Variants in TBX5 observed in about 807,000 individuals in gnomAD.
The protein encoded by TBX5 is T-box transcription factor TBX5.
In TBX5, 8 loss-of-function variants were observed where a neutral mutation model predicts 51.1. That is an observed-to-expected ratio of 0.16 (90% CI 0.09 to 0.28). TBX5 has a LOEUF of 0.28. Among genes scored for constraint, TBX5 ranks in the 10% least tolerant of loss-of-function variants. The pLI is 1.00. For synonymous variants in TBX5, 302 were observed against 266.4 expected (o/e 1.13, Z -1.30); for missense variants, 589 against 671.7 (o/e 0.88, Z 1.36).
intron 7 of TBX5, among the ~76,000 whole-genome samples, chr12:114,369,053 CATT>C (rs902048081): frequency 6.6e-6 from 1 of 151,662 alleles, no homozygotes; most frequent in South Asian, 2.1e-4. Context: ...AACAATAAAA[CATT>C]ATAAAAGTTG....
Position 114,405,730 on chromosome 12 carries a change from C to T in TBX5, c.-141G>A. The T allele has an allele frequency of 1.0e-6, 1 of 985,552 alleles. No individual in the cohort carries two copies. The highest frequency in any genetic ancestry group is 1.7e-5 in the African/African-American group (1 of 57,366). The allele number at this position is 985,552 out of a possible 1,614,324, so 61.1% of individuals were successfully genotyped here. ...AGGCATGGTGGCTCCGGGGTTTATG[C>T]GGGGTTTACTGCTTACCCAGAATAG... On this transcript the variant is annotated 5_prime_UTR_variant, in exon 1 of 9. Transcript: ENST00000405440.
chr12:114,381,565 T>C (rs1870505721), intron 7 of TBX5, among the ~76,000 whole-genome samples: 1 of 152,198 alleles, frequency 6.6e-6, no homozygotes, highest in Admixed American at 6.5e-5. Flanking sequence ...AATCAAGCAC[T>C]CTATAGGCAT....
At chr12:114,408,013 GT>G (rs1872335487), upstream of TBX5, 3 of 985,306 alleles carry the variant, frequency 3.0e-6, no homozygotes, top group Non-Finnish European at 3.6e-6. Flanking sequence ...AAATATTACT[GT>G]TTATTACCAG....
rs775667911 is a variant in TBX5 at position 114,355,964 on chromosome 12, C to A, written c.1125G>T (p.Arg375=). The A allele has an allele frequency of 6.8e-6, 11 of 1,613,984 alleles. No individual in the cohort carries two copies. Among genetic ancestry groups the A allele is most frequent in the Non-Finnish European group, 9.3e-6 (11 of 1,180,038 alleles). The part of the protein sequence containing the change: ...GASYRTESAQ[R]QACMYASSAP... ...CAGAGCTGGCATACATGCAAGCTTG[C>A]CGCTGTGCCGACTCTGTCCTGTAGG... Residue 375 remains arginine (R), a synonymous_variant, in exon 9 of 9, where the codon CGG becomes CGT. Coordinates refer to ENST00000405440, the MANE Select transcript of TBX5 (RefSeq NM_181486.4).
At chr12:114,391,430 G>T (rs1871136671) in intron 6 of TBX5, among the ~76,000 whole-genome samples, 1 of 152,176 alleles carries the variant, frequency 6.6e-6, no homozygotes, top group East Asian at 1.9e-4. Context: ...TTAATAAACT[G>T]ATCTGCTAAG....
chr12:114,378,206 T>G (rs764846085), intron 7 of TBX5, among the ~76,000 whole-genome samples: 5 of 152,206 alleles, frequency 3.3e-5, no homozygotes, highest in Non-Finnish European at 5.9e-5. Flanking sequence ...CTTCTTATGG[T>G]GAAAAGACCA....
At chr12:114,382,052 T>C (rs16944153) in intron 7 of TBX5, among the ~76,000 whole-genome samples, 3,584 of 152,294 alleles carry the variant, frequency 0.024, 288 homozygotes, top group Admixed American at 0.14. Context: ...CCTTGACAGA[T>C]GGTTAGGACA....
chr12:114,366,943 T>C (rs1869572112), intron 7 of TBX5, among the ~76,000 whole-genome samples: 1 of 152,212 alleles, frequency 6.6e-6, no homozygotes, highest in African/African-American at 2.4e-5. Context: ...GCTTCTGTCC[T>C]TGTGGCCACT....
At chr12:114,379,044 C>G (rs150130123) in intron 7 of TBX5, among the ~76,000 whole-genome samples, 1 of 152,172 alleles carries the variant, frequency 6.6e-6, no homozygotes, top group East Asian at 1.9e-4. Context: ...CAGTGGACAA[C>G]AGCTGAGGTC....
intron 7 of TBX5, among the ~76,000 whole-genome samples, chr12:114,372,100 G>C (rs183068012): frequency 6.6e-6 from 1 of 152,102 alleles, no homozygotes; most frequent in African/African-American, 2.4e-5. Context: ...AGGCTCCGAC[G>C]GGTGGGAGGT....
At chr12:114,359,279 C>T (rs980795457) in intron 8 of TBX5, among the ~76,000 whole-genome samples, 2 of 152,122 alleles carry the variant, frequency 1.3e-5, no homozygotes, top group African/African-American at 4.8e-5. Flanking sequence ...AAAGAAATTC[C>T]AACTCAAGGA....
At chr12:114,374,749 T>C (rs1870100607) in intron 7 of TBX5, among the ~76,000 whole-genome samples, 1 of 152,216 alleles carries the variant, frequency 6.6e-6, no homozygotes, top group Non-Finnish European at 1.5e-5. Flanking sequence ...TCACCCTATA[T>C]AAATTCAACC....
intron 4 of TBX5, among the ~76,000 whole-genome samples, 155 bp downstream of exon 4, chr12:114,399,358 G>C (rs1044917377): frequency 1.3e-5 from 2 of 151,852 alleles, no homozygotes; most frequent in African/African-American, 2.4e-5. Flanking sequence ...GTCTGAGAAT[G>C]GTTAGTAAAA....
intron 7 of TBX5, among the ~76,000 whole-genome samples, chr12:114,367,865 T>C (rs1287653858): frequency 6.6e-6 from 1 of 152,202 alleles, no homozygotes; most frequent in Non-Finnish European, 1.5e-5. Context: ...ATTTCAAATA[T>C]AATTGGCTTC....
chr12:114,362,005 G>A (rs927465659), intron 8 of TBX5, among the ~76,000 whole-genome samples: 1 of 152,012 alleles, frequency 6.6e-6, no homozygotes, highest in Non-Finnish European at 1.5e-5. Flanking sequence ...GGCCACTCAC[G>A]AGCTGAGTGA....
chr12:114,387,467 T>A (rs907323626), intron 6 of TBX5, among the ~76,000 whole-genome samples: 3 of 152,160 alleles, frequency 2.0e-5, no homozygotes, highest in African/African-American at 7.2e-5. Context: ...AAAGCAAAAC[T>A]ACGGAGTCAG....
At chr12:114,404,776 G>T (rs1329252249) in intron 1 of TBX5, among the ~76,000 whole-genome samples, 1 of 152,108 alleles carries the variant, frequency 6.6e-6, no homozygotes, top group Admixed American at 6.5e-5. Flanking sequence ...AGGCCGAAAG[G>T]GGTTTCTCTG....
At chr12:114,401,414 T>C (rs779359239) in intron 3 of TBX5, among the ~76,000 whole-genome samples, 17 of 152,090 alleles carry the variant, frequency 1.1e-4, no homozygotes, top group Non-Finnish European at 2.9e-5. Flanking sequence ...AAAGATAAAG[T>C]CCAAGATCCC....
chr12:114,377,999 G>A (rs1870288839), intron 7 of TBX5, among the ~76,000 whole-genome samples: 2 of 152,040 alleles, frequency 1.3e-5, no homozygotes, highest in African/African-American at 4.8e-5. Context: ...CTCTGGTTGG[G>A]TGGCTCAGAT....
Sources: gnomAD v4.1 joint callset for allele counts (sites outside exome capture counted in the v4.1 genomes callset) on GRCh38, gnomAD v4.1.1 for gene constraint, MANE v1.5 for transcripts, NCBI Gene and HGNC (gene_info 2026-07-23, HGNC 2026-07-21) for gene names.